The following PVT1 variants were observed in gnomAD, a reference collection of about 807,000 sequenced individuals.
PVT1 encodes Pvt1 oncogene, also known as CXCR4/PVT1 fusion.
chr8:128,002,460 C>G (rs117301602), intron 4 of PVT1, among the ~76,000 whole-genome samples: 3,010 of 152,342 alleles, frequency 0.02, 44 homozygotes, highest in South Asian at 0.034. Context: ...CCCAAAACAA[C>G]AGAAATGTAT....
intron 4 of PVT1, among the ~76,000 whole-genome samples, chr8:127,990,199 C>T (rs891799064): frequency 2.0e-5 from 3 of 152,100 alleles, no homozygotes; most frequent in Non-Finnish European, 4.4e-5. Flanking sequence ...AGAGTTGATT[C>T]CCCCCTCCCC....
chr8:127,876,125 C>T (rs1217760113), intron 2 of PVT1, among the ~76,000 whole-genome samples: 1 of 152,194 alleles, frequency 6.6e-6, no homozygotes, highest in Non-Finnish European at 1.5e-5. Flanking sequence ...CTTAGGCACA[C>T]TCAGGTTTGA....
intron 5 of PVT1, among the ~76,000 whole-genome samples, chr8:128,088,123 T>G (rs1184957650): frequency 6.6e-6 from 1 of 152,144 alleles, no homozygotes; most frequent in African/African-American, 2.4e-5. Context: ...AGTTTGATTT[T>G]ATTTGCCAGA....
intron 4 of PVT1, among the ~76,000 whole-genome samples, chr8:128,032,886 C>T (rs1051802009): frequency 1.3e-5 from 2 of 152,230 alleles, no homozygotes; most frequent in African/African-American, 4.8e-5. Flanking sequence ...CAAGCTTCTG[C>T]TGGCCTCTCT....
intron 4 of PVT1, among the ~76,000 whole-genome samples, chr8:128,031,205 G>A (rs915076120): frequency 7.9e-5 from 12 of 152,220 alleles, no homozygotes; most frequent in African/African-American, 2.4e-4. Context: ...CCCGGGCTGC[G>A]TGGCGGGTGG....
At chr8:127,860,287 G>A (rs1199885155) in intron 2 of PVT1, among the ~76,000 whole-genome samples, 1 of 152,204 alleles carries the variant, frequency 6.6e-6, no homozygotes, top group Non-Finnish European at 1.5e-5. Flanking sequence ...GCAACAGGCT[G>A]CTCCTCTGCC....
At chr8:127,854,083 C>T (rs955662423) in intron 2 of PVT1, among the ~76,000 whole-genome samples, 60 of 152,250 alleles carry the variant, frequency 3.9e-4, no homozygotes, top group African/African-American at 1.4e-3. Context: ...GCCGCCCACC[C>T]TCCTCCGATC....
At chr8:127,896,557 C>T (rs1202266291) in intron 3 of PVT1, among the ~76,000 whole-genome samples, 1 of 151,976 alleles carries the variant, frequency 6.6e-6, no homozygotes, top group African/African-American at 2.4e-5. Flanking sequence ...GCTGTGTGAT[C>T]TTGCTCAAGT....
intron 2 of PVT1, among the ~76,000 whole-genome samples, chr8:127,830,399 T>A (rs1282622113): frequency 6.8e-6 from 1 of 147,468 alleles, no homozygotes; most frequent in Non-Finnish European, 1.5e-5. Flanking sequence ...GCTTGCTATG[T>A]GGGGGTGTGG....
At chr8:128,025,136 G>T (rs1817478520) in intron 4 of PVT1, among the ~76,000 whole-genome samples, 1 of 152,230 alleles carries the variant, frequency 6.6e-6, no homozygotes, top group Admixed American at 6.5e-5. Flanking sequence ...AGCTGTTTGG[G>T]CTGGCGCAGG....
intron 2 of PVT1, among the ~76,000 whole-genome samples, chr8:127,840,474 C>T (rs1050667905): frequency 5.3e-5 from 8 of 152,244 alleles, no homozygotes; most frequent in African/African-American, 1.4e-4. Context: ...TTTTGAGTTA[C>T]AGCATTTAAA....
At chr8:128,012,562 C>T (rs1035557285) in intron 4 of PVT1, among the ~76,000 whole-genome samples, 1 of 152,162 alleles carries the variant, frequency 6.6e-6, no homozygotes, top group Non-Finnish European at 1.5e-5. Flanking sequence ...GAATGTGAGC[C>T]AACGTTGGCC....
intron 2 of PVT1, among the ~76,000 whole-genome samples, chr8:127,862,451 G>C (rs1815238836): frequency 6.6e-6 from 1 of 151,908 alleles, no homozygotes; most frequent in African/African-American, 2.4e-5. Flanking sequence ...TTAGAGACAG[G>C]GTCTCGCTTT....
intron 3 of PVT1, among the ~76,000 whole-genome samples, chr8:127,975,427 T>C (rs1182250478): frequency 6.6e-6 from 1 of 152,234 alleles, no homozygotes; most frequent in Non-Finnish European, 1.5e-5. Context: ...CCTCTGTGTG[T>C]TTACCAACTC....
chr8:127,855,329 T>C, intron 2 of PVT1: 1 of 397,488 alleles, frequency 2.5e-6, no homozygotes. Flanking sequence ...GGTTAGTGTC[T>C]GGAGCTTGGG....
At chr8:127,842,674 C>G (rs1167648204) in intron 2 of PVT1, among the ~76,000 whole-genome samples, 4 of 152,162 alleles carry the variant, frequency 2.6e-5, no homozygotes, top group Admixed American at 2.0e-4. Context: ...GTCCACTCCT[C>G]CAAAGAGGGT....
intron 2 of PVT1, among the ~76,000 whole-genome samples, chr8:127,801,699 T>TGGTG (rs1471373146): frequency 6.6e-6 from 1 of 152,142 alleles, no homozygotes. Context: ...AGGCTGGCAG[T>TGGTG]GGTGGATGGG....
chr8:128,087,537 A>G (rs1181698223), intron 5 of PVT1, among the ~76,000 whole-genome samples: 2 of 152,168 alleles, frequency 1.3e-5, no homozygotes, highest in Admixed American at 1.3e-4. Flanking sequence ...TAATGAATCA[A>G]AAACATGGAT....
chr8:128,006,857 A>G (rs1164484356), intron 4 of PVT1, among the ~76,000 whole-genome samples: 2 of 152,102 alleles, frequency 1.3e-5, no homozygotes, highest in Admixed American at 6.5e-5. Context: ...GTTGGGTTCT[A>G]TGTATTTTTG....
Sources: allele counts gnomAD v4.1 joint callset (sites outside exome capture counted in the v4.1 genomes callset), GRCh38; gene constraint gnomAD v4.1.1; transcripts MANE v1.5; gene names NCBI Gene and HGNC (gene_info 2026-07-23, HGNC 2026-07-21).